SCN10A: variants seen among roughly 807,000 people sequenced by gnomAD.
The protein encoded by SCN10A is sodium voltage-gated channel alpha subunit 10, also known as sodium channel protein type 10 subunit alpha.
In SCN10A, 162 loss-of-function variants were observed where a neutral mutation model predicts 170.7. The observed-to-expected ratio is 0.95, with a 90% CI of 0.84 to 1.08. The LOEUF is 1.08. SCN10A is among the 50% of genes least tolerant of loss of function. The pLI is 0.00. For synonymous variants in SCN10A, 985 were observed against 904.6 expected (o/e 1.09, Z -1.59); for missense variants, 2,527 against 2,436.9 (o/e 1.04, Z -0.78).
At chr3:38,769,628 T>G (rs1259395023) in intron 5 of SCN10A, among the ~76,000 whole-genome samples, 1 of 152,238 alleles carries the variant, frequency 6.6e-6, no homozygotes, top group Non-Finnish European at 1.5e-5. Context: ...GGGGTGTTAT[T>G]GAACCCTCTT....
At chr3:38,711,011 G>A (rs2063268166) in intron 23 of SCN10A, 114 bp from the exon 24 acceptor site, 4 of 826,340 alleles carry the variant, frequency 4.8e-6, no homozygotes, top group African/African-American at 1.7e-5. Context: ...GAAAGGGCTT[G>A]TGCAGAAAGA....
intron 17 of SCN10A, among the ~76,000 whole-genome samples, chr3:38,725,994 G>A (rs1483410107): frequency 3.3e-5 from 5 of 152,230 alleles, no homozygotes; most frequent in Non-Finnish European, 5.9e-5. Flanking sequence ...GCCTCACAGG[G>A]TTCCCTGCCT....
chr3:38,806,690 A>G (rs1443936820), intron 1 of SCN10A, among the ~76,000 whole-genome samples: 1 of 152,214 alleles, frequency 6.6e-6, no homozygotes, highest in African/African-American at 2.4e-5. Flanking sequence ...AGACAAATGC[A>G]TAATATAGAC....
Position 38,728,758 on chromosome 3 carries a change from G to T in SCN10A, c.2424C>A (p.Leu808=), listed in dbSNP as rs2063484447. Residue 808 remains leucine (L), a synonymous_variant, in exon 16 of 28, where the codon CTC becomes CTA. Transcript: ENST00000449082. ...GGTTGTTACGGTAGTTTTCCCCTAGGAGCTGCTTGCCAACCAGAGCAAAGA... is the reference window on the plus strand; with the variant it reads ...GGTTGTTACGGTAGTTTTCCCCTAGTAGCTGCTTGCCAACCAGAGCAAAGA... ...VFVFALVGKQ[L]LGENYRNNRK... The T allele has an allele frequency of 6.2e-7, 1 of 1,614,056 alleles. No homozygotes were observed. The highest frequency in any genetic ancestry group is 1.1e-5 in the South Asian group (1 of 91,082).
chr3:38,792,033 A>G lies in SCN10A; in HGVS notation c.389+17T>C. 1 of 1,612,818 alleles carries G rather than the reference A, an allele frequency of 6.2e-7. No homozygotes were observed. Among genetic ancestry groups the G allele is most frequent in the Middle Eastern group, 1.7e-4 (1 of 6,042 alleles). Reference sequence around the variant, plus strand: ...TCTAATTGTAACACGTGGAAGAGGCAATCGTGCAAAGGATATGAGTGGACA... The same window carrying G: ...TCTAATTGTAACACGTGGAAGAGGCGATCGTGCAAAGGATATGAGTGGACA... On this transcript the variant is annotated intron_variant, in intron 3 of 27. Transcript: ENST00000449082.
intron 6 of SCN10A, among the ~76,000 whole-genome samples, chr3:38,761,866 AAG>A (rs1191382328): frequency 1.1e-4 from 13 of 121,944 alleles, no homozygotes; most frequent in Non-Finnish European, 1.6e-4. Flanking sequence ...GAGAGAGAGA[AAG>A]AGAGAGAGAG....
chr3:38,779,178 T>A (rs562659842), intron 4 of SCN10A, among the ~76,000 whole-genome samples: 7 of 152,224 alleles, frequency 4.6e-5, no homozygotes, highest in African/African-American at 7.2e-5. Flanking sequence ...TGGCAAAATA[T>A]GAGGATTATG....
chr3:38,739,121 A>G (rs1413233851), intron 15 of SCN10A, among the ~76,000 whole-genome samples: 1 of 152,128 alleles, frequency 6.6e-6, no homozygotes, highest in Non-Finnish European at 1.5e-5. Flanking sequence ...CTTAAAAACG[A>G]CTATCTCTCA....
In SCN10A at chr3:38,702,212, T is replaced by C. The variant is rs140203445; in HGVS notation, c.4387-103A>G. 541 of 1,239,940 alleles carry C rather than the reference T, an allele frequency of 4.4e-4. 2 individuals are homozygous for C. The East Asian group carries it at 0.013, about 30-fold the overall frequency. The allele number at this position is 1,239,940 out of a possible 1,614,324, so 76.8% of individuals were successfully genotyped here. ...TTTGTCTCCATCACACTCCACATCTTAACAGAAGCGAAATACTATCCTTAC... is the reference window on the plus strand; with the variant it reads ...TTTGTCTCCATCACACTCCACATCTCAACAGAAGCGAAATACTATCCTTAC... On this transcript the variant is annotated intron_variant, in intron 26 of 27. Transcript: ENST00000449082.
At chr3:38,748,546 C>T (rs1286088171) in intron 13 of SCN10A, among the ~76,000 whole-genome samples, 1 of 152,132 alleles carries the variant, frequency 6.6e-6, no homozygotes, top group Non-Finnish European at 1.5e-5. Flanking sequence ...TGAGCTGGTC[C>T]TTTGTCATTG....
chr3:38,790,220 G>A (rs1374477215), intron 3 of SCN10A, among the ~76,000 whole-genome samples: 1 of 151,968 alleles, frequency 6.6e-6, no homozygotes, highest in Non-Finnish European at 1.5e-5. Flanking sequence ...TATAATATTA[G>A]TTATGAAAAC....
At chr3:38,710,720 T>A in intron 24 of SCN10A, 124 bp downstream of exon 24, 4 of 852,812 alleles carry the variant, frequency 4.7e-6, no homozygotes, top group Non-Finnish European at 7.6e-6. Context: ...GGAGGGACAG[T>A]GTGAGGTTGC....
intron 23 of SCN10A, among the ~76,000 whole-genome samples, chr3:38,711,619 G>A (rs1168912779): frequency 6.6e-6 from 1 of 152,176 alleles, no homozygotes; most frequent in South Asian, 2.1e-4. Context: ...ACACTCAAGA[G>A]TAACTGCATG....
intron 22 of SCN10A, among the ~76,000 whole-genome samples, chr3:38,713,672 A>C (rs570033000): frequency 6.6e-6 from 1 of 152,224 alleles, no homozygotes; most frequent in East Asian, 1.9e-4. Flanking sequence ...AAGGGTTACC[A>C]AAACCTGCAG....
intron 25 of SCN10A, among the ~76,000 whole-genome samples, chr3:38,708,953 A>G (rs779715334): frequency 1.3e-5 from 2 of 152,138 alleles, no homozygotes; most frequent in African/African-American, 2.4e-5. Context: ...AATACTTTAT[A>G]CCTTTATTGC....
chr3:38,756,770 C>T lies in SCN10A; in HGVS notation c.1194G>A (p.Met398Ile), dbSNP rs1265956514. 5.0e-6 allele frequency: 8 copies of T among 1,614,048 alleles called. No individual in the cohort carries two copies. Among genetic ancestry groups the T allele is most frequent in the African/African-American group, 1.3e-5 (1 of 74,910 alleles). The change falls in exon 10 of 28, where the codon ATG becomes ATA. Residue 398 changes from methionine (M) to isoleucine (I), a missense_variant. Physicochemically the swap from Met to Ile is conservative, Grantham distance 10 (BLOSUM62 1). Transcript: ENST00000449082. ...TTGCCTGGTTCTGCTCCTCATACGC[C>T]ATGGTGACTACAGCCAAGATCAAGT... ...LVNLILAVVT[M>I]AYEEQNQATT... is the part of the protein sequence containing the mutation.
At chr3:38,746,057 G>T (rs1346646821) in intron 13 of SCN10A, among the ~76,000 whole-genome samples, 2 of 67,470 alleles carry the variant, frequency 3.0e-5, no homozygotes, top group African/African-American at 5.6e-5. Context: ...ATATGTGTGT[G>T]TATGTGTATA....
At chr3:38,707,436 C>A (rs952203161) in intron 25 of SCN10A, 53 bp from the exon 26 acceptor site, 31 of 1,574,610 alleles carry the variant, frequency 2.0e-5, no homozygotes, top group Non-Finnish European at 2.7e-5. Flanking sequence ...CTACGGATAC[C>A]AAAATCAGAA....
At chr3:38,762,726 G>A (rs2063889001) in intron 6 of SCN10A, among the ~76,000 whole-genome samples, 1 of 152,276 alleles carries the variant, frequency 6.6e-6, no homozygotes, top group African/African-American at 2.4e-5. Flanking sequence ...GTGGGAATTG[G>A]CAGAGAGTTT....
Sources: allele counts gnomAD v4.1 joint callset (sites outside exome capture counted in the v4.1 genomes callset), GRCh38; gene constraint gnomAD v4.1.1; transcripts MANE v1.5; gene names NCBI Gene and HGNC (gene_info 2026-07-23, HGNC 2026-07-21).